Variants in PDE9A observed in about 807,000 individuals in gnomAD.
The protein encoded by PDE9A is high affinity cGMP-specific 3',5'-cyclic phosphodiesterase 9A.
Under a neutral mutation model 87.4 loss-of-function variants are expected in PDE9A, and 60 were observed. The ratio of observed to expected loss-of-function variants is 0.69; its 90% CI spans 0.56 to 0.85. PDE9A has a LOEUF of 0.85. PDE9A is among the 40% of genes least tolerant of loss of function. The pLI, the probability that PDE9A is intolerant of heterozygous loss-of-function variation, is 0.00. For synonymous variants in PDE9A, 272 were observed against 279.4 expected (o/e 0.97, Z 0.27); for missense variants, 665 against 779.0 (o/e 0.85, Z 1.74).
rs2055695502 is a variant in PDE9A at position 42,760,971 on chromosome 21, T to A, written c.1085+64T>A. ...CACCCTGGCTACTGGAGGGAACCTG[T>A]CAGCCCAACCCTCAGAGCAGTTCCC... is the stretch of plus-strand genomic sequence containing the variant. On this transcript the variant is annotated intron_variant, in intron 13 of 19. Transcript: ENST00000291539. This position sits in a 1 kb window ranked among gnomAD's most constrained non-coding sequence, Gnocchi z 5.2. 9.5e-7 allele frequency: 1 copy of A among 1,055,378 alleles called. No homozygotes were observed. Among genetic ancestry groups the A allele is most frequent in the Admixed American group, 1.7e-5 (1 of 58,262 alleles). The allele number at this position is 1,055,378 out of a possible 1,614,324, so 65.4% of individuals were successfully genotyped here.
intron 4 of PDE9A, chr21:42,724,687 G>T (rs969873851): frequency 4.3e-6 from 3 of 700,372 alleles, no homozygotes; most frequent in Admixed American, 1.3e-4. Context: ...TGGGAGCGCA[G>T]CTTTGTGTCT....
chr21:42,686,281 C>T lies in PDE9A; in HGVS notation c.140+19C>T, dbSNP rs761895780. ...TGCCTCGGTGAGTGCGCGCTGCGGG[C>T]TCTGCCCGGTGACGCCACGCGGCCT... On this transcript the variant is annotated intron_variant, in intron 2 of 19. Transcript: ENST00000291539. The T allele has an allele frequency of 1.2e-6, 2 of 1,607,014 alleles. No homozygotes were observed. Among genetic ancestry groups the T allele is most frequent in the Non-Finnish European group, 1.7e-6 (2 of 1,173,894 alleles).
chr21:42,749,360 C>G (rs1347334324), intron 8 of PDE9A, among the ~76,000 whole-genome samples: 1 of 152,126 alleles, frequency 6.6e-6, no homozygotes, highest in African/African-American at 2.4e-5. Flanking sequence ...ACACAGGGAG[C>G]CTGTTCACTT....
chr21:42,757,884 A>C (rs549635535), intron 10 of PDE9A: 4 of 152,406 alleles, frequency 2.6e-5, no homozygotes, highest in Admixed American at 2.6e-4. Flanking sequence ...CCCGTCTCCA[A>C]ATAGCCCCAC....
In PDE9A at chr21:42,730,012, A is replaced by G. The variant is rs543386671; in HGVS notation, c.263-1758A>G. On this transcript the variant is annotated intron_variant, in intron 4 of 19. Transcript: ENST00000291539. ...GTGAAGTGGTCTGTAAATATTCATC[A>G]TTTGATGGACTTCTAAATTTATCTC... Among the ~76,000 whole-genome samples, 3 of 152,304 alleles carry G rather than the reference A, an allele frequency of 2.0e-5. No individual in the cohort carries two copies. The South Asian group carries it at 6.2e-4, about 32-fold the overall frequency.
intron 7 of PDE9A, chr21:42,734,635 C>T (rs1182063723): frequency 6.6e-6 from 1 of 152,240 alleles, no homozygotes; most frequent in African/African-American, 2.4e-5. Context: ...TGCAATAGCA[C>T]AATCTTGGCT....
chr21:42,676,773 A>G (rs1055359239), intron 1 of PDE9A, among the ~76,000 whole-genome samples: 6 of 152,238 alleles, frequency 3.9e-5, no homozygotes, highest in African/African-American at 1.2e-4. Context: ...TTGGAGGCCA[A>G]TGTGGCTGCT....
At position 42,775,377 on chromosome 21, in the gene PDE9A, A is replaced by G; in HGVS notation, c.*84A>G. The G allele has an allele frequency of 8.7e-7, 1 of 1,155,422 alleles. No homozygotes were observed. 71.6% of individuals were successfully genotyped at this position (1,155,422 alleles called of 1,614,324 possible). On this transcript the variant is annotated 3_prime_UTR_variant, in exon 20 of 20. Coordinates refer to ENST00000291539, the MANE Select transcript of PDE9A (RefSeq NM_002606.3). ...TGTGCAGGGAAGAGCTGCCCTGGGC[A>G]CCTGGCACCACAAGACCATGTTTTC...
intron 4 of PDE9A, among the ~76,000 whole-genome samples, chr21:42,706,372 T>C (rs1489450477): frequency 1.3e-5 from 2 of 152,226 alleles, no homozygotes; most frequent in Non-Finnish European, 1.5e-5. Flanking sequence ...CAGCCAGGCA[T>C]GGTGGCTCAC....
chr21:42,731,649 G>T, intron 4 of PDE9A, 121 bp from the exon 5 acceptor site: 2 of 1,023,162 alleles, frequency 2.0e-6, no homozygotes, highest in Non-Finnish European at 2.9e-6. Flanking sequence ...AGAACACCGT[G>T]TTCTGAATTG....
Position 42,703,623 on chromosome 21 carries a change from T to C in PDE9A, c.262+4612T>C, listed in dbSNP as rs377034194. On this transcript the variant is annotated intron_variant, in intron 4 of 19. Transcript: ENST00000291539. ...CATCCAGGACCAGTGGGAGATGGAG[T>C]TGGGCTCATTGAGGGAAAGAGGTGA... is the stretch of plus-strand genomic sequence containing the variant. 1.3e-4 allele frequency among the ~76,000 whole-genome samples: 20 copies of C among 151,936 alleles called. No individual in the cohort carries two copies. In the South Asian group the frequency reaches 2.1e-3, roughly 16 times the overall value.
chr21:42,713,838 C>T (rs1242390561), intron 4 of PDE9A, among the ~76,000 whole-genome samples: 1 of 151,622 alleles, frequency 6.6e-6, no homozygotes, highest in African/African-American at 2.4e-5. Context: ...TATTTCAAAA[C>T]ATCATCTTGA....
intron 1 of PDE9A, among the ~76,000 whole-genome samples, chr21:42,655,040 C>T (rs760017416): frequency 1.3e-5 from 2 of 152,210 alleles, no homozygotes; most frequent in African/African-American, 2.4e-5. Flanking sequence ...CTGTAACAGC[C>T]TCCTTTCTCC....
At chr21:42,677,822 T>C (rs2058939970) in intron 1 of PDE9A, among the ~76,000 whole-genome samples, 2 of 152,128 alleles carry the variant, frequency 1.3e-5, no homozygotes, top group East Asian at 3.8e-4. Flanking sequence ...TTTGTATTTT[T>C]AGTAGAGATG....
chr21:42,686,388 C>A, intron 2 of PDE9A, 126 bp downstream of exon 2: 1 of 712,878 alleles, frequency 1.4e-6, no homozygotes, highest in South Asian at 1.6e-5. Flanking sequence ...AGGGGCTCTT[C>A]GAAATCAATC....
rs560855558 is a variant in PDE9A at position 42,706,965 on chromosome 21, G to A, written c.262+7954G>A. Reference sequence around the variant, plus strand: ...TTATGGCTGGATGACGTTCCGTTGCGTGGCTGCGTCCTGTGGCTGCATTGT... The same window carrying A: ...TTATGGCTGGATGACGTTCCGTTGCATGGCTGCGTCCTGTGGCTGCATTGT... On this transcript the variant is annotated intron_variant, in intron 4 of 19. Coordinates refer to ENST00000291539, the MANE Select transcript of PDE9A (RefSeq NM_002606.3). Among the ~76,000 whole-genome samples, 73 of 152,246 alleles carry A rather than the reference G, an allele frequency of 4.8e-4. No homozygotes were observed. In the South Asian group the frequency reaches 7.5e-3, roughly 16 times the overall value.
intron 9 of PDE9A, 96 bp downstream of exon 9, chr21:42,751,293 T>C (rs2054395081): frequency 1.1e-6 from 1 of 889,128 alleles, no homozygotes; most frequent in East Asian, 2.4e-5. Flanking sequence ...TGTGTGTACG[T>C]TCACATCAAC....
intron 1 of PDE9A, among the ~76,000 whole-genome samples, chr21:42,670,786 T>C (rs1378088618): frequency 6.6e-6 from 1 of 151,848 alleles, no homozygotes; most frequent in Non-Finnish European, 1.5e-5. Flanking sequence ...CTGACACACA[T>C]ATACATACAT....
At chr21:42,751,640 G>A (rs1462048714) in intron 9 of PDE9A, among the ~76,000 whole-genome samples, 1 of 152,040 alleles carries the variant, frequency 6.6e-6, no homozygotes, top group Non-Finnish European at 1.5e-5. Flanking sequence ...CGTTGGTGAA[G>A]TAGCAATGGC....
Sources: gnomAD v4.1 joint callset for allele counts (sites outside exome capture counted in the v4.1 genomes callset) on GRCh38, gnomAD v4.1.1 for gene constraint, Gnocchi (gnomAD v3.1) non-coding constraint, MANE v1.5 for transcripts, NCBI Gene and HGNC (gene_info 2026-07-23, HGNC 2026-07-21) for gene names.